The following MAGI2 variants were observed in gnomAD, a reference collection of about 807,000 sequenced individuals.
MAGI2 encodes membrane-associated guanylate kinase, WW and PDZ domain-containing protein 2.
MAGI2 carries 35 observed loss-of-function variants against 133.3 expected under a neutral mutation model. The observed-to-expected ratio is 0.26, with a 90% CI of 0.20 to 0.35. The LOEUF is 0.35. MAGI2 is among the 10% of genes least tolerant of loss of function. The probability of loss-of-function intolerance (pLI) is 1.00; values close to 1 mark genes in which losing one functional copy is unlikely to be tolerated. For synonymous variants in MAGI2, 729 were observed against 710.6 expected (o/e 1.03, Z -0.41); for missense variants, 1,636 against 1,863.4 (o/e 0.88, Z 2.25).
chr7:79,378,887 A>G (rs1369645876), intron 1 of MAGI2, among the ~76,000 whole-genome samples: 1 of 140,978 alleles, frequency 7.1e-6, no homozygotes, highest in Non-Finnish European at 1.5e-5. Flanking sequence ...TTTCTTGTAA[A>G]CTTTCCAAGT....
chr7:79,338,451 T>C (rs1182488415), intron 1 of MAGI2, among the ~76,000 whole-genome samples: 1 of 152,138 alleles, frequency 6.6e-6, no homozygotes, highest in East Asian at 1.9e-4. Flanking sequence ...CTTCCTTCCA[T>C]AAGAGCATGC....
At chr7:79,289,076 G>C (rs1396714153) in intron 1 of MAGI2, among the ~76,000 whole-genome samples, 1 of 152,108 alleles carries the variant, frequency 6.6e-6, no homozygotes, top group Non-Finnish European at 1.5e-5. Context: ...CTAGTGCACT[G>C]TTTCTAAACT....
chr7:79,256,648 G>A (rs565747949), intron 1 of MAGI2, among the ~76,000 whole-genome samples: 8 of 151,668 alleles, frequency 5.3e-5, no homozygotes, highest in South Asian at 4.2e-4. Flanking sequence ...GCACCACCAC[G>A]TCCAGTAATT....
intron 2 of MAGI2, among the ~76,000 whole-genome samples, chr7:78,682,288 T>C (rs1046213336): frequency 1.3e-5 from 2 of 151,298 alleles, no homozygotes; most frequent in Non-Finnish European, 3.0e-5. Flanking sequence ...ATTTGTTACA[T>C]AGGTATACGT....
intron 2 of MAGI2, among the ~76,000 whole-genome samples, chr7:78,958,722 G>A (rs777828900): frequency 1.3e-5 from 2 of 152,198 alleles, no homozygotes; most frequent in East Asian, 1.9e-4. Context: ...GGGTGAAGCC[G>A]TTCTACCTGG....
intron 1 of MAGI2, among the ~76,000 whole-genome samples, chr7:79,223,077 G>A (rs1006310620): frequency 6.6e-6 from 1 of 151,922 alleles, no homozygotes; most frequent in African/African-American, 2.4e-5. Flanking sequence ...AGTAGAGACG[G>A]GGTTTTATCG....
At chr7:78,479,903 A>G (rs909794483) in intron 6 of MAGI2, among the ~76,000 whole-genome samples, 1 of 151,992 alleles carries the variant, frequency 6.6e-6, no homozygotes, top group Non-Finnish European at 1.5e-5. Context: ...AAAGAAATGG[A>G]AGTTATGAAA....
intron 2 of MAGI2, among the ~76,000 whole-genome samples, chr7:78,863,715 T>C (rs1048741232): frequency 2.6e-5 from 4 of 152,232 alleles, no homozygotes; most frequent in Non-Finnish European, 5.9e-5. Context: ...TCACTAGTTA[T>C]AAGATCAGTC....
At chr7:78,260,418 G>T (rs1584606626) in intron 9 of MAGI2, among the ~76,000 whole-genome samples, 3 of 152,100 alleles carry the variant, frequency 2.0e-5, no homozygotes, top group Admixed American at 6.6e-5. Flanking sequence ...CGGAGAATTG[G>T]AAGAGTCACT....
chr7:79,039,447 T>G (rs1001405077), intron 1 of MAGI2, among the ~76,000 whole-genome samples: 1 of 152,208 alleles, frequency 6.6e-6, no homozygotes, highest in Middle Eastern at 3.4e-3. Context: ...GTTACATAGA[T>G]TATTTCTTCT....
At chr7:78,646,812 C>T (rs1390059453) in intron 2 of MAGI2, among the ~76,000 whole-genome samples, 1 of 152,158 alleles carries the variant, frequency 6.6e-6, no homozygotes, top group African/African-American at 2.4e-5. Flanking sequence ...CACAACATCA[C>T]CTCACTTCAT....
chr7:79,099,267 AT>A (rs1817764888), intron 1 of MAGI2, among the ~76,000 whole-genome samples: 1 of 152,176 alleles, frequency 6.6e-6, no homozygotes, highest in African/African-American at 2.4e-5. Context: ...ATCCAAAAGA[AT>A]ACAAATATTG....
intron 10 of MAGI2, among the ~76,000 whole-genome samples, chr7:78,206,390 C>T (rs1829747916): frequency 6.6e-6 from 1 of 151,002 alleles, no homozygotes; most frequent in Non-Finnish European, 1.5e-5. Flanking sequence ...CTCCCGGGTT[C>T]CAGCGATTCT....
At chr7:78,312,675 C>T (rs1345125442) in intron 9 of MAGI2, among the ~76,000 whole-genome samples, 2 of 152,050 alleles carry the variant, frequency 1.3e-5, no homozygotes, top group Non-Finnish European at 1.5e-5. Context: ...AAACGAAATG[C>T]TTATACACTG....
At chr7:78,892,582 T>G (rs2151573314) in intron 2 of MAGI2, among the ~76,000 whole-genome samples, 1 of 152,306 alleles carries the variant, frequency 6.6e-6, no homozygotes, top group Admixed American at 6.5e-5. Flanking sequence ...GCTGCATACC[T>G]ACAACCATTG....
intron 2 of MAGI2, among the ~76,000 whole-genome samples, chr7:78,854,181 A>C (rs1009939980): frequency 1.3e-5 from 2 of 152,178 alleles, no homozygotes; most frequent in African/African-American, 4.8e-5. Context: ...TGTATACTCT[A>C]GAAAAATAAA....
At chr7:78,837,781 G>C (rs909933739) in intron 2 of MAGI2, among the ~76,000 whole-genome samples, 1 of 152,082 alleles carries the variant, frequency 6.6e-6, no homozygotes, top group African/African-American at 2.4e-5. Flanking sequence ...TTTTAGGAAT[G>C]CTTAATTTTG....
intron 1 of MAGI2, among the ~76,000 whole-genome samples, chr7:79,417,533 A>G (rs6953480): frequency 0.25 from 37,688 of 151,934 alleles, 6,704 homozygotes; most frequent in African/African-American, 0.51. Context: ...GGAAATAGGG[A>G]CCGATCACTT....
At chr7:78,533,999 G>A (rs1797681984) in intron 3 of MAGI2, among the ~76,000 whole-genome samples, 1 of 152,168 alleles carries the variant, frequency 6.6e-6, no homozygotes, top group African/African-American at 2.4e-5. Flanking sequence ...AGAGGGGAAG[G>A]TTATCATACA....
Sources: gnomAD v4.1 joint callset for allele counts (sites outside exome capture counted in the v4.1 genomes callset) on GRCh38, gnomAD v4.1.1 for gene constraint, MANE v1.5 for transcripts, NCBI Gene and HGNC (gene_info 2026-07-23, HGNC 2026-07-21) for gene names.